The following USH2A variants were observed in gnomAD, a reference collection of about 807,000 sequenced individuals.
USH2A encodes usherin.
Under a neutral mutation model 538.9 loss-of-function variants are expected in USH2A, and 443 were observed. The ratio of observed to expected loss-of-function variants is 0.82; its 90% CI spans 0.76 to 0.89. The LOEUF (loss-of-function observed/expected upper bound fraction) is 0.89. Among genes scored for constraint, USH2A ranks in the 40% least tolerant of loss-of-function variants. The pLI is 0.00. For synonymous variants in USH2A, 2,413 were observed against 2,273.5 expected (o/e 1.06, Z -1.75); for missense variants, 6,633 against 6,324.8 (o/e 1.05, Z -1.65).
intron 67 of USH2A, among the ~76,000 whole-genome samples, chr1:215,643,437 G>A (rs1276928495): frequency 6.6e-6 from 1 of 152,072 alleles, no homozygotes; most frequent in African/African-American, 2.4e-5. Flanking sequence ...TATTGACCCA[G>A]TAGTGGATTA....
intron 11 of USH2A, among the ~76,000 whole-genome samples, chr1:216,281,865 G>GTT (rs766030449): frequency 0.045 from 4,314 of 96,252 alleles, 193 homozygotes; most frequent in South Asian, 0.063. Flanking sequence ...GTTTTTGTCT[G>GTT]TTTTTTTTTT....
intron 35 of USH2A, among the ~76,000 whole-genome samples, chr1:215,986,877 G>T (rs74794411): frequency 0.01 from 1,526 of 152,256 alleles, 22 homozygotes; most frequent in African/African-American, 0.035. Context: ...TCTGCCAAAG[G>T]CCAGGACTAG....
intron 32 of USH2A, among the ~76,000 whole-genome samples, chr1:216,006,911 A>G (rs987154387): frequency 7.9e-5 from 12 of 152,106 alleles, no homozygotes; most frequent in Admixed American, 4.6e-4. Context: ...CTTCTCAGTG[A>G]TATGGTTTGG....
At chr1:215,853,246 T>A (rs1043074293) in intron 44 of USH2A, among the ~76,000 whole-genome samples, 1 of 152,194 alleles carries the variant, frequency 6.6e-6, no homozygotes, top group Non-Finnish European at 1.5e-5. Flanking sequence ...GTCTTGGGGG[T>A]TGCACCCTCT....
chr1:215,887,284 T>G (rs1665084280), intron 41 of USH2A, among the ~76,000 whole-genome samples: 1 of 152,176 alleles, frequency 6.6e-6, no homozygotes, highest in South Asian at 2.1e-4. Context: ...GTGTTTGTTT[T>G]GTTGCATCAT....
rs186668943 is a variant in USH2A at position 216,401,487 on chromosome 1, A to T, written c.651+17027T>A. On this transcript the variant is annotated intron_variant, in intron 3 of 71. Coordinates refer to ENST00000307340, the MANE Select transcript of USH2A (RefSeq NM_206933.4). ...CTAAATATACAAATAAATGACAGAG[A>T]TTAGCAGAGTGTATTAGAATATAAA... 1.1e-4 allele frequency among the ~76,000 whole-genome samples: 17 copies of T among 152,030 alleles called. No individual in the cohort carries two copies. The East Asian group carries it at 2.7e-3, about 24-fold the overall frequency.
At chr1:215,952,731 G>C (rs1331671634) in intron 37 of USH2A, among the ~76,000 whole-genome samples, 1 of 152,216 alleles carries the variant, frequency 6.6e-6, no homozygotes, top group Non-Finnish European at 1.5e-5. Context: ...GGCTTGCAGA[G>C]TTTCTGCCGA....
At chr1:216,248,832 G>T (rs3106400) in intron 12 of USH2A, among the ~76,000 whole-genome samples, 1 of 152,066 alleles carries the variant, frequency 6.6e-6, no homozygotes, top group African/African-American at 2.4e-5. Context: ...CCTAACGATA[G>T]TCAGGAAGGC....
chr1:215,696,728 G>A (rs1658823210), intron 61 of USH2A, among the ~76,000 whole-genome samples: 1 of 152,090 alleles, frequency 6.6e-6, no homozygotes, highest in Admixed American at 6.6e-5. Flanking sequence ...ACAAATGGGG[G>A]CATGGTGGCT....
intron 60 of USH2A, among the ~76,000 whole-genome samples, chr1:215,732,005 C>T (rs868146553): frequency 6.6e-6 from 1 of 152,066 alleles, no homozygotes; most frequent in Non-Finnish European, 1.5e-5. Flanking sequence ...GTATAACAAA[C>T]CTCTGAAAAT....
At chr1:216,211,146 G>A (rs1459821942) in intron 15 of USH2A, among the ~76,000 whole-genome samples, 1 of 152,044 alleles carries the variant, frequency 6.6e-6, no homozygotes, top group African/African-American at 2.4e-5. Context: ...TGCTTCATCT[G>A]TATCTTTGCA....
intron 4 of USH2A, among the ~76,000 whole-genome samples, chr1:216,350,285 T>C (rs1571728862): frequency 6.6e-6 from 1 of 152,146 alleles, no homozygotes; most frequent in African/African-American, 2.4e-5. Context: ...ATTCTGCCTC[T>C]GGCCCCTCCC....
intron 60 of USH2A, among the ~76,000 whole-genome samples, chr1:215,731,869 T>C (rs1207353052): frequency 1.3e-5 from 2 of 152,190 alleles, no homozygotes; most frequent in Non-Finnish European, 2.9e-5. Context: ...GAAACATCTG[T>C]AGTCAGAGGA....
Position 215,671,363 on chromosome 1 carries a change from A to T in USH2A, c.13812-70T>A, listed in dbSNP as rs1392557699. 3 of 1,462,994 alleles carry T rather than the reference A, an allele frequency of 2.1e-6. No homozygotes were observed. The Admixed American group carries it at 5.6e-5, about 27-fold the overall frequency. 90.6% of individuals were successfully genotyped at this position (1,462,994 alleles called of 1,614,324 possible). A position where few individuals can be genotyped will look rare whatever the true frequency, so the allele number is the denominator to read the frequency against. On this transcript the variant is annotated intron_variant, in intron 63 of 71. Transcript: ENST00000307340. ...TTTTCATGGGAAGAATCTTTAAAAC[A>T]CCAGGCCTTAAAAAAAAAAGACAAG...
Position 215,779,696 on chromosome 1 carries a change from G to C in USH2A, c.10939+147C>G. The C allele has an allele frequency of 7.7e-6, 7 of 913,114 alleles. No homozygotes were observed. The South Asian group carries it at 1.0e-4, about 13-fold the overall frequency. The allele number at this position is 913,114 out of a possible 1,614,324, so 56.6% of individuals were successfully genotyped here. ...CCAGTGTGGGCTCTTCTATTAGCAT[G>C]GATAAGTGGGACCTGACCATATGTC... On this transcript the variant is annotated intron_variant, in intron 55 of 71. Transcript: ENST00000307340.
At chr1:215,845,686 T>C in intron 45 of USH2A, 138 bp downstream of exon 45, 1 of 832,320 alleles carries the variant, frequency 1.2e-6, no homozygotes, top group South Asian at 1.5e-5. Flanking sequence ...AGTGAGCACT[T>C]AAGCATTTTA....
intron 21 of USH2A, among the ~76,000 whole-genome samples, chr1:216,166,056 G>C (rs1488961313): frequency 6.6e-6 from 1 of 151,964 alleles, no homozygotes; most frequent in East Asian, 1.9e-4. Flanking sequence ...TGTCTTAATA[G>C]AATGCGGTAA....
At chr1:216,156,295 C>CTTTTTTTTT (rs35698520) in intron 21 of USH2A, among the ~76,000 whole-genome samples, 35 of 105,522 alleles carry the variant, frequency 3.3e-4, no homozygotes, top group Non-Finnish European at 5.1e-4. Flanking sequence ...TTTTTTTTTT[C>CTTTTTTTTT]TTTTTTTTTT....
At chr1:215,755,517 T>G (rs1327855435) in intron 58 of USH2A, among the ~76,000 whole-genome samples, 1 of 152,198 alleles carries the variant, frequency 6.6e-6, no homozygotes. Context: ...AAATCAACTG[T>G]AGATTATACA....
Sources: allele counts gnomAD v4.1 joint callset (sites outside exome capture counted in the v4.1 genomes callset), GRCh38; gene constraint gnomAD v4.1.1; transcripts MANE v1.5; gene names NCBI Gene and HGNC (gene_info 2026-07-23, HGNC 2026-07-21).